Variants in SLC17A3 observed in about 807,000 individuals in gnomAD.
The protein encoded by SLC17A3 is sodium-dependent phosphate transport protein 4.
In SLC17A3, 61 loss-of-function variants were observed where a neutral mutation model predicts 60.3. That is an observed-to-expected ratio of 1.01 (90% CI 0.82 to 1.25). SLC17A3 has a LOEUF of 1.25. Ranked by LOEUF, SLC17A3 falls within the 50% of genes most tolerant of loss-of-function variation. The pLI, the probability that SLC17A3 is intolerant of heterozygous loss-of-function variation, is 0.00. For synonymous variants in SLC17A3, 192 were observed against 208.9 expected (o/e 0.92, Z 0.70); for missense variants, 624 against 594.9 (o/e 1.05, Z -0.51).
intron 2 of SLC17A3, among the ~76,000 whole-genome samples, chr6:25,864,447 G>T (rs1765502708): frequency 6.6e-6 from 1 of 152,012 alleles, no homozygotes; most frequent in Non-Finnish European, 1.5e-5. Flanking sequence ...AGCTATCTTG[G>T]ATTAGGGTCA....
intron 2 of SLC17A3, among the ~76,000 whole-genome samples, 180 bp from the exon 3 acceptor site, chr6:25,862,624 C>T (rs564002084): frequency 9.2e-5 from 14 of 151,526 alleles, no homozygotes; most frequent in East Asian, 3.9e-4. Context: ...AGCTAAAGGA[C>T]GTTTTATACC....
In SLC17A3 at chr6:25,850,621, C is replaced by A. The variant is rs1290409678; in HGVS notation, c.832-1G>T. On this transcript the variant is annotated splice_acceptor_variant, in intron 7 of 12. Transcript: ENST00000397060. LOFTEE classifies it high-confidence loss of function. ...GAAGAGGCTGCTTAGAAGACCCGAC[C>A]TGAAAACAAATTTACTGGTCATAAC... 1 of 1,613,978 alleles carries A rather than the reference C, an allele frequency of 6.2e-7. No individual in the cohort carries two copies. Among genetic ancestry groups the A allele is most frequent in the Non-Finnish European group, 8.5e-7 (1 of 1,179,928 alleles).
intron 1 of SLC17A3, among the ~76,000 whole-genome samples, chr6:25,873,513 A>G (rs1036378248): frequency 3.3e-5 from 5 of 151,460 alleles, no homozygotes; most frequent in Non-Finnish European, 7.4e-5. Context: ...GGCCTTGAGG[A>G]CTCCCTGATT....
chr6:25,847,821 T>G (rs1765203132), intron 11 of SLC17A3, among the ~76,000 whole-genome samples: 3 of 152,168 alleles, frequency 2.0e-5, no homozygotes. Context: ...AGTGGTGATA[T>G]GTGGGATTTT....
intron 6 of SLC17A3, 35 bp downstream of exon 6, chr6:25,855,109 T>A: frequency 7.5e-7 from 1 of 1,326,784 alleles, no homozygotes; most frequent in Non-Finnish European, 1.1e-6. Context: ...TCTTTCTGCA[T>A]ATGAAACTCA....
At chr6:25,859,270 T>A (rs1765408581) in intron 5 of SLC17A3, among the ~76,000 whole-genome samples, 1 of 152,190 alleles carries the variant, frequency 6.6e-6, no homozygotes, top group Non-Finnish European at 1.5e-5. Context: ...ATTTTAAACA[T>A]GAGTCTCTGA....
At chr6:25,847,301 C>T (rs761660572) in intron 11 of SLC17A3, among the ~76,000 whole-genome samples, 3 of 152,152 alleles carry the variant, frequency 2.0e-5, no homozygotes, top group Non-Finnish European at 4.4e-5. Context: ...ATTTCTTTAT[C>T]CAATCTGTCA....
chr6:25,849,403 G>T lies in SLC17A3; in HGVS notation c.1333C>A (p.Pro445Thr). 1 of 1,611,264 alleles carries T rather than the reference G, an allele frequency of 6.2e-7. No homozygotes were observed. Among genetic ancestry groups the T allele is most frequent in the Non-Finnish European group, 8.5e-7 (1 of 1,177,544 alleles). The change falls in exon 11 of 13, where the codon CCC becomes ACC. Residue 445 changes from proline (P) to threonine (T), a missense_variant. Transcript: ENST00000397060. Reference protein sequence around the residue: ...GFSSIAPVIVPTVSGFLLSQD... With the variant: ...GFSSIAPVIVTTVSGFLLSQD... Reference sequence around the variant, plus strand: ...CTAAGAAGAAATCCACTGACAGTGGGTACAATGACAGGTGCTATGCTCGAA... The same window carrying T: ...CTAAGAAGAAATCCACTGACAGTGGTTACAATGACAGGTGCTATGCTCGAA...
Position 25,853,489 on chromosome 6 carries a change from C to T in SLC17A3, c.712+1655G>A, listed in dbSNP as rs143014391. Among the ~76,000 whole-genome samples the T allele has an allele frequency of 5.0e-3, 677 of 136,700 alleles. 4 individuals are homozygous for T. Among genetic ancestry groups the T allele is most frequent in the African/African-American group, 0.014 (538 of 37,220 alleles). The allele number at this position is 136,700 out of a possible 152,430, so 89.7% of individuals were successfully genotyped here. On this transcript the variant is annotated intron_variant, in intron 6 of 12. Transcript: ENST00000397060. ...GGAGTGCAGTGGTGCGATCTTGGCT[C>T]ACTGCAAGCTCCGCCTCCCGGGTTC...
rs766241173 is a variant in SLC17A3, at chr6:25,850,513, C to T, written c.939G>A (p.Met313Ile). The T allele has an allele frequency of 2.5e-6, 4 of 1,613,624 alleles. No homozygotes were observed. The Admixed American group carries it at 6.7e-5, about 27-fold the overall frequency. Residue 313 changes from methionine (M) to isoleucine (I), a missense_variant, in exon 8 of 13, where the codon ATG (methionine) becomes ATA (isoleucine). Met to Ile is a conservative substitution (Grantham distance 10, BLOSUM62 1). Transcript: ENST00000397060. ...CFSHQWLVST[M>I]VVYIPTYISS... ...TGATGTAAGTTGGTATGTATACAACCATTGTGCTAACTAACCATTGATGGC... is the reference window on the plus strand; with the variant it reads ...TGATGTAAGTTGGTATGTATACAACTATTGTGCTAACTAACCATTGATGGC...
intron 8 of SLC17A3, 127 bp downstream of exon 8, chr6:25,850,332 A>G: frequency 7.6e-7 from 1 of 1,314,106 alleles, no homozygotes. Context: ...AGCTACTGGC[A>G]TGAGTATTAA....
chr6:25,845,356 A>G, intron 12 of SLC17A3, 24 bp downstream of exon 12: 6 of 1,613,602 alleles, frequency 3.7e-6, no homozygotes, highest in Non-Finnish European at 5.1e-6. Flanking sequence ...GGCTATAACC[A>G]TGCATAAAAT....
At chr6:25,854,640 C>G (rs1765330454) in intron 6 of SLC17A3, among the ~76,000 whole-genome samples, 1 of 152,194 alleles carries the variant, frequency 6.6e-6, no homozygotes, top group Non-Finnish European at 1.5e-5. Context: ...AGTTCTTTCT[C>G]AATTTCTAAT....
intron 9 of SLC17A3, 24 bp from the exon 10 acceptor site, chr6:25,849,976 T>G: frequency 6.2e-7 from 1 of 1,613,962 alleles, no homozygotes; most frequent in Non-Finnish European, 8.5e-7. Context: ...AAGAAACCAA[T>G]TAAACAGTGA....
At chr6:25,856,214 G>C (rs934919549) in intron 5 of SLC17A3, among the ~76,000 whole-genome samples, 1 of 151,966 alleles carries the variant, frequency 6.6e-6, no homozygotes, top group African/African-American at 2.4e-5. Context: ...ATCCTCAAAG[G>C]TTTTTTCTTG....
At chr6:25,863,273 G>A (rs1476350352) in intron 2 of SLC17A3, among the ~76,000 whole-genome samples, 1 of 152,016 alleles carries the variant, frequency 6.6e-6, no homozygotes, top group African/African-American at 2.4e-5. Context: ...AGATTGAATG[G>A]TATAAAAGTT....
Position 25,850,035 on chromosome 6 carries a change from G to A in SLC17A3, c.1123+13C>T. ...GCTACGCAAATTATCTGACCCTCAA[G>A]CTCTGTTCTTACCTAAAATTGTGGC... On this transcript the variant is annotated intron_variant, in intron 9 of 12. Coordinates refer to ENST00000397060, the MANE Select transcript of SLC17A3 (RefSeq NM_001098486.2). The A allele has an allele frequency of 1.2e-6, 2 of 1,613,920 alleles. No homozygotes were observed. The highest frequency in any genetic ancestry group is 1.7e-6 in the Non-Finnish European group (2 of 1,179,806).
chr6:25,849,792 A>C lies in SLC17A3; in HGVS notation c.1271+13T>G. 1 of 1,612,678 alleles carries C rather than the reference A, an allele frequency of 6.2e-7. No homozygotes were observed. The highest frequency in any genetic ancestry group is 8.5e-7 in the Non-Finnish European group (1 of 1,178,728). Reference sequence around the variant, plus strand: ...AGAAAATGTGAAACTGATAGTGGAGATCAGAGTCCTACCTTGGAGCAATAT... The same window carrying C: ...AGAAAATGTGAAACTGATAGTGGAGCTCAGAGTCCTACCTTGGAGCAATAT... On this transcript the variant is annotated intron_variant, in intron 10 of 12. Coordinates refer to ENST00000397060, the MANE Select transcript of SLC17A3 (RefSeq NM_001098486.2).
intron 7 of SLC17A3, 38 bp from the exon 8 acceptor site, chr6:25,850,658 C>G: frequency 1.9e-6 from 3 of 1,612,944 alleles, no homozygotes; most frequent in Non-Finnish European, 2.5e-6. Context: ...GTAAATCCGA[C>G]AGATGCTCAC....
Sources: gnomAD v4.1 joint callset for allele counts (sites outside exome capture counted in the v4.1 genomes callset) on GRCh38, gnomAD v4.1.1 for gene constraint, MANE v1.5 for transcripts, NCBI Gene and HGNC (gene_info 2026-07-23, HGNC 2026-07-21) for gene names.